The following CLK4 variants were observed in gnomAD, a reference collection of about 807,000 sequenced individuals.
CLK4 encodes the protein dual specificity protein kinase CLK4.
In CLK4, 37 loss-of-function variants were observed where a neutral mutation model predicts 64.4. The observed-to-expected ratio is 0.57, with a 90% CI of 0.44 to 0.76. The LOEUF (loss-of-function observed/expected upper bound fraction) is 0.76, where lower values mean the gene tolerates loss of function less well. CLK4 is among the 30% of genes least tolerant of loss of function. The pLI is 0.00. For missense variants in CLK4, 457 were observed against 605.1 expected (o/e 0.76, Z 2.57); for synonymous variants, 175 against 191.6 (o/e 0.91, Z 0.72).
rs1256739294 is a variant in CLK4, at chr5:178,622,514, GAA to G, written c.161+740_161+741del. ...AAACAAACGAAAAAGGGAAATTAAT[GAA>G]AGAGTGAAAACTTACCTAGCCTTTC... On this transcript the variant is annotated intron_variant, in intron 2 of 12. Coordinates refer to ENST00000316308, the MANE Select transcript of CLK4 (RefSeq NM_020666.3). 8.0e-6 allele frequency: 6 copies of G among 752,188 alleles called. No homozygotes were observed. The African/African-American group carries it at 1.1e-4, about 14-fold the overall frequency. 46.6% of individuals were successfully genotyped at this position (752,188 alleles called of 1,614,324 possible). A position where few individuals can be genotyped will look rare whatever the true frequency, so the allele number is the denominator to read the frequency against.
intron 9 of CLK4, among the ~76,000 whole-genome samples, chr5:178,612,174 T>C (rs182346261): frequency 6.6e-6 from 1 of 152,352 alleles, no homozygotes; most frequent in Admixed American, 6.5e-5. Flanking sequence ...TGTTCTCTTA[T>C]GATCATTTAA....
intron 11 of CLK4, 58 bp downstream of exon 11, chr5:178,605,245 T>A: frequency 9.5e-7 from 1 of 1,049,790 alleles, no homozygotes; most frequent in Non-Finnish European, 1.4e-6. Flanking sequence ...GGGTTTTCTG[T>A]AGTTTGAATA....
chr5:178,612,481 TACGTTGC>T lies in CLK4; in HGVS notation c.979_985del (p.Ala327MetfsTer24). ...CAAAGTACTGTGATGTTCATCATCA[TACGTTGC>T]ACTTCCAAAGTCAACAACTTTGATA... On this transcript the variant is annotated frameshift_variant, in exon 9 of 13. Transcript: ENST00000316308. LOFTEE classifies it high-confidence loss of function. The T allele has an allele frequency of 6.2e-7, 1 of 1,614,062 alleles. No individual in the cohort carries two copies. The highest frequency in any genetic ancestry group is 8.5e-7 in the Non-Finnish European group (1 of 1,179,920).
chr5:178,626,582 A>T (rs1191909713), intron 1 of CLK4, among the ~76,000 whole-genome samples: 1 of 152,244 alleles, frequency 6.6e-6, no homozygotes, highest in African/African-American at 2.4e-5. Flanking sequence ...GATCTCCGAC[A>T]ACACGAATGC....
At chr5:178,612,618 A>C in intron 8 of CLK4, 73 bp from the exon 9 acceptor site, 1 of 1,458,982 alleles carries the variant, frequency 6.9e-7, no homozygotes, top group Non-Finnish European at 9.5e-7. Context: ...AGGCCAGCAC[A>C]TGAATTATCT....
chr5:178,622,471 G>C, intron 2 of CLK4: 2 of 979,594 alleles, frequency 2.0e-6, no homozygotes, highest in Non-Finnish European at 2.4e-6. Flanking sequence ...TGCACAAAAC[G>C]AGAAAACAGA....
intron 9 of CLK4, among the ~76,000 whole-genome samples, chr5:178,609,709 AAATAAAAAAT>A (rs1259980556): frequency 4.4e-5 from 5 of 113,560 alleles, no homozygotes; most frequent in Admixed American, 3.6e-4. Context: ...CAAATAACAA[AAATAAAAAAT>A]AATAAAAATT....
In CLK4 at chr5:178,617,669, A is replaced by C. The variant is rs757801444; in HGVS notation, c.385-235T>G. 3.3e-5 allele frequency: 11 copies of C among 335,310 alleles called. No homozygotes were observed. The highest frequency in any genetic ancestry group is 4.8e-5 in the Non-Finnish European group (9 of 188,376). 20.8% of individuals were successfully genotyped at this position (335,310 alleles called of 1,614,324 possible). The stretch of plus-strand genomic sequence containing the variant: ...GAACAGATTTTCAGATAAGATACTT[A>C]AAGTGGCAATAGAAAAAAACAACAC... On this transcript the variant is annotated intron_variant, in intron 3 of 12. Coordinates refer to ENST00000316308, the MANE Select transcript of CLK4 (RefSeq NM_020666.3). The surrounding 1 kb of genome is among the most constrained non-coding windows in gnomAD (Gnocchi z 5.2).
At position 178,618,701 on chromosome 5, in the gene CLK4, T is replaced by A; in HGVS notation, c.239A>T (p.Tyr80Phe). 1 of 1,613,972 alleles carries A rather than the reference T, an allele frequency of 6.2e-7. No individual in the cohort carries two copies. The highest frequency in any genetic ancestry group is 8.5e-7 in the Non-Finnish European group (1 of 1,179,880). The change falls in exon 3 of 13, where the codon TAC becomes TTC. Residue 80 changes from tyrosine to phenylalanine, a missense_variant. Tyr to Phe is a conservative substitution (Grantham distance 22). Transcript: ENST00000316308. The part of the protein sequence containing the change: ...RRYVDEYRND[Y>F]CEGYVPRHYH... The stretch of plus-strand genomic sequence containing the variant: ...ATGTCTAGGAACATATCCTTCACAG[T>A]AGTCATTCCTGTATTCGTCAACGTA...
At position 178,605,287 on chromosome 5, in the gene CLK4, G is replaced by T; in HGVS notation, c.1214+16C>A. The T allele has an allele frequency of 6.6e-7, 1 of 1,525,930 alleles. No homozygotes were observed. The highest frequency in any genetic ancestry group is 2.4e-5 in the East Asian group (1 of 42,548). The allele number at this position is 1,525,930 out of a possible 1,614,324, so 94.5% of individuals were successfully genotyped here. The stretch of plus-strand genomic sequence containing the variant: ...ATTGCACATATCCAACAAAAGTCTT[G>T]AATCTTAAAACATACCTTGTTTTCT... On this transcript the variant is annotated intron_variant, in intron 11 of 12. Transcript: ENST00000316308.
chr5:178,624,007 G>A (rs917855401), intron 1 of CLK4, among the ~76,000 whole-genome samples: 3 of 152,140 alleles, frequency 2.0e-5, no homozygotes, highest in Admixed American at 2.0e-4. Flanking sequence ...AAACACTTAG[G>A]GATACTAAAT....
intron 2 of CLK4, chr5:178,622,344 G>A (rs956604006): frequency 1.3e-6 from 1 of 785,336 alleles, no homozygotes; most frequent in Middle Eastern, 3.2e-4. Context: ...CAAATAAGCT[G>A]TTTGGCAGAA....
chr5:178,609,644 C>A (rs770180058), intron 9 of CLK4, among the ~76,000 whole-genome samples: 1 of 151,686 alleles, frequency 6.6e-6, no homozygotes, highest in Non-Finnish European at 1.5e-5. Context: ...GATTGCGCCA[C>A]TGCACTCTAG....
At chr5:178,609,903 T>C (rs890161306) in intron 9 of CLK4, among the ~76,000 whole-genome samples, 1 of 149,984 alleles carries the variant, frequency 6.7e-6, no homozygotes, top group East Asian at 2.0e-4. Context: ...AGTGAGACTC[T>C]GTCTCAAAAA....
chr5:178,620,535 GGACAGGGTA>G (rs70997617), intron 2 of CLK4: 159,804 of 438,386 alleles, frequency 0.36, 30,758 homozygotes, highest in Non-Finnish European at 0.44. Context: ...CACAGGCTAT[GGACAGGGTA>G]GACAGGATGA....
chr5:178,611,673 G>C (rs1764560166), intron 9 of CLK4, among the ~76,000 whole-genome samples: 2 of 152,016 alleles, frequency 1.3e-5, no homozygotes. Context: ...AGTCCCGTTG[G>C]ACACACAAAA....
At position 178,613,406 on chromosome 5, in the gene CLK4, G is replaced by A. The variant is rs372112405; in HGVS notation, c.826+67C>T. 157 of 1,144,870 alleles carry A rather than the reference G, an allele frequency of 1.4e-4. No homozygotes were observed. The African/African-American group carries it at 2.0e-3, about 15-fold the overall frequency. 70.9% of individuals were successfully genotyped at this position (1,144,870 alleles called of 1,614,324 possible). On this transcript the variant is annotated intron_variant, in intron 7 of 12. Coordinates refer to ENST00000316308, the MANE Select transcript of CLK4 (RefSeq NM_020666.3). ...TGCACTCCAGCCTGGGTGACAGAGC[G>A]AGACTCCGTCTCAAAATAAATAAAT...
At chr5:178,620,031 T>C (rs1350477699) in intron 2 of CLK4, 1 of 369,638 alleles carries the variant, frequency 2.7e-6, no homozygotes, top group African/African-American at 2.1e-5. Flanking sequence ...TGTCATTCTT[T>C]TTCCCAGGGG....
chr5:178,611,076 GA>G (rs991796374), intron 9 of CLK4, among the ~76,000 whole-genome samples: 8 of 135,406 alleles, frequency 5.9e-5, no homozygotes, highest in Admixed American at 7.3e-5. Flanking sequence ...CCATCTCAAA[GA>G]AAAAAAAAAG....
Sources: allele counts gnomAD v4.1 joint callset (sites outside exome capture counted in the v4.1 genomes callset), GRCh38; gene constraint gnomAD v4.1.1; non-coding constraint Gnocchi (gnomAD v3.1); transcripts MANE v1.5; gene names NCBI Gene and HGNC (gene_info 2026-07-23, HGNC 2026-07-21).